Variants in TAOK1 observed in about 807,000 individuals in gnomAD.
The protein encoded by TAOK1 is TAO kinase 1, also known as serine/threonine-protein kinase TAO1.
Under a neutral mutation model 138.3 loss-of-function variants are expected in TAOK1, and 21 were observed. The ratio of observed to expected loss-of-function variants is 0.15; its 90% CI spans 0.11 to 0.22. The LOEUF (loss-of-function observed/expected upper bound fraction) is 0.22. TAOK1 is among the 10% of genes least tolerant of loss of function. The pLI is 1.00. For missense variants in TAOK1, 651 were observed against 1,227.7 expected (o/e 0.53, Z 7.02); for synonymous variants, 361 against 398.4 (o/e 0.91, Z 1.12).
intron 1 of TAOK1, among the ~76,000 whole-genome samples, chr17:29,392,798 T>G (rs902571335): frequency 3.3e-5 from 5 of 152,252 alleles, no homozygotes; most frequent in Non-Finnish European, 5.9e-5. Context: ...TTTAAATACT[T>G]CAAATGCCAT....
chr17:29,521,472 A>G (rs990611135), intron 16 of TAOK1, among the ~76,000 whole-genome samples: 1 of 152,246 alleles, frequency 6.6e-6, no homozygotes, highest in Non-Finnish European at 1.5e-5. Flanking sequence ...TATTATATGC[A>G]TTTGAGAAAT....
intron 1 of TAOK1, among the ~76,000 whole-genome samples, chr17:29,394,310 C>T (rs576322770): frequency 1.3e-4 from 20 of 151,786 alleles, no homozygotes; most frequent in African/African-American, 2.7e-4. Flanking sequence ...GGACTACAGG[C>T]GCCTGCCACC....
intron 17 of TAOK1, among the ~76,000 whole-genome samples, chr17:29,526,346 G>A (rs2032009170): frequency 6.6e-6 from 1 of 152,178 alleles, no homozygotes; most frequent in Admixed American, 6.6e-5. Flanking sequence ...TACTGAGGCA[G>A]AAGATACTAT....
At chr17:29,508,985 T>C (rs942860662) in intron 14 of TAOK1, among the ~76,000 whole-genome samples, 3 of 152,124 alleles carry the variant, frequency 2.0e-5, no homozygotes, top group Non-Finnish European at 2.9e-5. Context: ...CAGTGAGGCA[T>C]TATTTATCAT....
At chr17:29,399,863 A>G (rs971822620) in intron 1 of TAOK1, among the ~76,000 whole-genome samples, 3 of 151,868 alleles carry the variant, frequency 2.0e-5, no homozygotes, top group Non-Finnish European at 4.4e-5. Flanking sequence ...CTCAGCAGCT[A>G]GGACTACAGG....
intron 1 of TAOK1, among the ~76,000 whole-genome samples, chr17:29,440,344 G>C (rs1484005000): frequency 1.3e-5 from 2 of 152,132 alleles, no homozygotes; most frequent in Middle Eastern, 3.2e-3. Flanking sequence ...GTAAGTGCTT[G>C]TGAGAGAGAC....
At chr17:29,514,718 T>G (rs2031782186) in intron 15 of TAOK1, 1 of 150,088 alleles carries the variant, frequency 6.7e-6, no homozygotes, top group Non-Finnish European at 1.5e-5. Flanking sequence ...AAGGCCAGAG[T>G]GGTGGGTGGC....
chr17:29,413,923 C>T (rs1275246617), intron 1 of TAOK1, among the ~76,000 whole-genome samples: 1 of 137,978 alleles, frequency 7.2e-6, no homozygotes, highest in East Asian at 2.2e-4. Flanking sequence ...TGCTCTATCG[C>T]CCAGGCTGGA....
intron 6 of TAOK1, among the ~76,000 whole-genome samples, chr17:29,479,145 C>CAA (rs373418404): frequency 5.2e-4 from 43 of 82,994 alleles, no homozygotes; most frequent in African/African-American, 1.2e-3. Flanking sequence ...AACTCTGTCT[C>CAA]AAAAAAAAAA....
intron 2 of TAOK1, among the ~76,000 whole-genome samples, chr17:29,457,385 G>A (rs1256620193): frequency 1.4e-4 from 20 of 143,142 alleles, no homozygotes; most frequent in Non-Finnish European, 2.4e-4. Context: ...TTACAGGCGT[G>A]AGCCACCACC....
At chr17:29,484,567 C>G (rs2031128212) in intron 8 of TAOK1, among the ~76,000 whole-genome samples, 1 of 151,924 alleles carries the variant, frequency 6.6e-6, no homozygotes, top group Non-Finnish European at 1.5e-5. Flanking sequence ...TAACACAGGT[C>G]TAGAGGTATG....
At chr17:29,463,128 C>T (rs2030569695) in intron 2 of TAOK1, among the ~76,000 whole-genome samples, 2 of 152,014 alleles carry the variant, frequency 1.3e-5, no homozygotes, top group Non-Finnish European at 2.9e-5. Flanking sequence ...TTATCCCTTT[C>T]CATATTCTTT....
At chr17:29,517,131 C>T (rs2031831867) in intron 15 of TAOK1, among the ~76,000 whole-genome samples, 1 of 152,076 alleles carries the variant, frequency 6.6e-6, no homozygotes, top group Non-Finnish European at 1.5e-5. Flanking sequence ...GGACTACGGG[C>T]ACCCGCCACC....
chr17:29,429,850 AGTTT>A (rs921364645), intron 1 of TAOK1, among the ~76,000 whole-genome samples: 2 of 152,072 alleles, frequency 1.3e-5, no homozygotes, highest in Non-Finnish European at 2.9e-5. Context: ...TGAAGTTTTG[AGTTT>A]GTTTAATATC....
At chr17:29,432,777 A>ATT (rs34539915) in intron 1 of TAOK1, among the ~76,000 whole-genome samples, 250 of 145,246 alleles carry the variant, frequency 1.7e-3, no homozygotes, top group Middle Eastern at 0.015. Flanking sequence ...ACCTGTCCAA[A>ATT]TTTTTTTTTT....
chr17:29,516,447 G>GC (rs1372425063), intron 15 of TAOK1, among the ~76,000 whole-genome samples: 1 of 150,946 alleles, frequency 6.6e-6, no homozygotes, highest in East Asian at 1.9e-4. Context: ...CAACGCTCCT[G>GC]CCTCAGCCTC....
intron 1 of TAOK1, among the ~76,000 whole-genome samples, chr17:29,443,798 C>T (rs983480722): frequency 1.3e-5 from 2 of 152,088 alleles, no homozygotes; most frequent in Non-Finnish European, 2.9e-5. Context: ...CTTTAAAAAA[C>T]TTGTTACAAA....
intron 3 of TAOK1, among the ~76,000 whole-genome samples, chr17:29,472,906 C>CA (rs1185040669): frequency 6.6e-6 from 1 of 152,188 alleles, no homozygotes; most frequent in Non-Finnish European, 1.5e-5. Flanking sequence ...GCTTGGAACT[C>CA]AAAATTATTC....
At chr17:29,447,630 C>T (rs1200391778) in intron 1 of TAOK1, among the ~76,000 whole-genome samples, 1 of 151,980 alleles carries the variant, frequency 6.6e-6, no homozygotes, top group Non-Finnish European at 1.5e-5. Flanking sequence ...CAAGCTACCT[C>T]ACCCGGCCTT....
Sources: allele counts gnomAD v4.1 joint callset (sites outside exome capture counted in the v4.1 genomes callset), GRCh38; gene constraint gnomAD v4.1.1; transcripts MANE v1.5; gene names NCBI Gene and HGNC (gene_info 2026-07-23, HGNC 2026-07-21).